The following ZZEF1 variants were observed in gnomAD, a reference collection of about 807,000 sequenced individuals.
The protein encoded by ZZEF1 is zinc finger ZZ-type and EF-hand domain-containing protein 1.
ZZEF1 carries 157 observed loss-of-function variants against 342.8 expected under a neutral mutation model. The ratio of observed to expected loss-of-function variants is 0.46; its 90% CI spans 0.40 to 0.52. The LOEUF (loss-of-function observed/expected upper bound fraction) is 0.52, where lower values mean the gene tolerates loss of function less well. ZZEF1 is among the 20% of genes least tolerant of loss of function. The pLI is 0.00. For synonymous variants in ZZEF1, 1,505 were observed against 1,429.1 expected (o/e 1.05, Z -1.20); for missense variants, 3,480 against 3,725.6 (o/e 0.93, Z 1.72).
At chr17:4,019,225 T>C (rs2056199427) in intron 46 of ZZEF1, among the ~76,000 whole-genome samples, 1 of 152,152 alleles carries the variant, frequency 6.6e-6, no homozygotes, top group Non-Finnish European at 1.5e-5. Context: ...TGGAGGAGAC[T>C]GGATTGCAGA....
chr17:4,142,551 C>T lies in ZZEF1; in HGVS notation c.345G>A (p.Gln115=). ...EARGAGCSSE[Q]FEEAFAQFDA... is the part of the protein sequence containing the mutation. ...GCCTGCCGGCCCTGACCTCCTCGAACTGCTCGCTAGAGCAGCCGGCGCCGC... is the reference window on the plus strand; with the variant it reads ...GCCTGCCGGCCCTGACCTCCTCGAATTGCTCGCTAGAGCAGCCGGCGCCGC... The change falls in exon 1 of 55, where the codon CAG becomes CAA. Residue 115 remains glutamine (Q), a synonymous_variant. Coordinates refer to ENST00000381638, the MANE Select transcript of ZZEF1 (RefSeq NM_015113.4). 1 of 1,598,386 alleles carries T rather than the reference C, an allele frequency of 6.3e-7. No individual in the cohort carries two copies. Among genetic ancestry groups the T allele is most frequent in the Non-Finnish European group, 8.5e-7 (1 of 1,178,054 alleles).
chr17:4,028,341 A>G (rs1354203094), intron 42 of ZZEF1, among the ~76,000 whole-genome samples: 1 of 152,170 alleles, frequency 6.6e-6, no homozygotes, highest in African/African-American at 2.4e-5. Flanking sequence ...CTGACTCAGG[A>G]GTTCAAGACC....
chr17:4,047,245 C>T (rs1011367213), intron 37 of ZZEF1, among the ~76,000 whole-genome samples: 2 of 152,142 alleles, frequency 1.3e-5, no homozygotes, highest in Admixed American at 1.3e-4. Flanking sequence ...CTTTCTCTAT[C>T]AAAAATTAAG....
chr17:4,085,410 A>G (rs1301709191), intron 16 of ZZEF1, among the ~76,000 whole-genome samples: 1 of 152,130 alleles, frequency 6.6e-6, no homozygotes, highest in East Asian at 1.9e-4. Flanking sequence ...GGATGGTTGT[A>G]GGCAAGTCAC....
At chr17:4,060,145 T>A (rs1311962723) in intron 30 of ZZEF1, among the ~76,000 whole-genome samples, 1 of 152,232 alleles carries the variant, frequency 6.6e-6, no homozygotes, top group Non-Finnish European at 1.5e-5. Context: ...CTGAATGTCA[T>A]GGAGGAAACA....
At position 4,039,827 on chromosome 17, in the gene ZZEF1, G is replaced by T. The variant is rs536936976; in HGVS notation, c.6306+2602C>A. On this transcript the variant is annotated intron_variant, in intron 39 of 54. Coordinates refer to ENST00000381638, the MANE Select transcript of ZZEF1 (RefSeq NM_015113.4). ...CCTGGCTAATTTTTTTGTATTTTTAGTTGAGATGGGGTTTCACTGTGTTAG... is the reference window on the plus strand; with the variant it reads ...CCTGGCTAATTTTTTTGTATTTTTATTTGAGATGGGGTTTCACTGTGTTAG... Among the ~76,000 whole-genome samples the T allele has an allele frequency of 2.0e-5, 3 of 151,934 alleles. No individual in the cohort carries two copies. The East Asian group carries it at 5.8e-4, about 30-fold the overall frequency.
At chr17:4,131,195 G>A (rs2058657450) in intron 1 of ZZEF1, among the ~76,000 whole-genome samples, 2 of 152,050 alleles carry the variant, frequency 1.3e-5, no homozygotes, top group South Asian at 2.1e-4. Context: ...GATCCAAGCA[G>A]GAGAAAATGA....
In ZZEF1 at chr17:4,052,119, C is replaced by T. The variant is rs2057061562; in HGVS notation, c.5452G>A (p.Gly1818Ser). 3.7e-6 allele frequency: 6 copies of T among 1,613,022 alleles called. No homozygotes were observed. The highest frequency in any genetic ancestry group is 5.1e-6 in the Non-Finnish European group (6 of 1,179,488). ...ACCATTTCATGGTCGTCTCCGTGGCCCTCAGGCTTCACCCCACCTGAGGAG... is the reference window on the plus strand; with the variant it reads ...ACCATTTCATGGTCGTCTCCGTGGCTCTCAGGCTTCACCCCACCTGAGGAG... Reference protein sequence around the residue: ...TCFLGGVKPEGHGDDHEMVNM... With the variant: ...TCFLGGVKPESHGDDHEMVNM... Residue 1818 changes from glycine to serine, a missense_variant, in exon 35 of 55, where the codon GGC becomes AGC. Gly to Ser is a moderately conservative substitution (Grantham distance 56). Coordinates refer to ENST00000381638, the MANE Select transcript of ZZEF1 (RefSeq NM_015113.4).
At chr17:4,107,913 C>T (rs535813356) in intron 6 of ZZEF1, among the ~76,000 whole-genome samples, 71 of 152,272 alleles carry the variant, frequency 4.7e-4, no homozygotes, top group South Asian at 8.3e-4. Context: ...TATCTTGTGT[C>T]AGAACATATG....
At position 4,006,562 on chromosome 17, in the gene ZZEF1, G is replaced by T. The variant is rs890687187; in HGVS notation, c.*328C>A. The stretch of plus-strand genomic sequence containing the variant: ...CGGAGACAGAAACCAGTTGAGAGAG[G>T]CCGCTTCCAAGTCTTCCCAGGCCCA... On this transcript the variant is annotated 3_prime_UTR_variant, in exon 55 of 55. Coordinates refer to ENST00000381638, the MANE Select transcript of ZZEF1 (RefSeq NM_015113.4). The T allele has an allele frequency of 8.3e-6, 3 of 361,028 alleles. No individual in the cohort carries two copies. Among genetic ancestry groups the T allele is most frequent in the African/African-American group, 6.5e-5 (3 of 46,332 alleles). 22.4% of individuals were successfully genotyped at this position (361,028 alleles called of 1,614,324 possible). A position where few individuals can be genotyped will look rare whatever the true frequency, so the allele number is the denominator to read the frequency against.
chr17:4,104,573 T>C, intron 8 of ZZEF1, 60 bp downstream of exon 8: 2 of 1,576,706 alleles, frequency 1.3e-6, no homozygotes, highest in Non-Finnish European at 1.7e-6. Context: ...TGGCGAAGAA[T>C]GGTTTTACGA....
chr17:4,017,609 G>A lies in ZZEF1; in HGVS notation c.7763C>T (p.Ala2588Val). ...SYAKQRRSKS[A>V]ALLHKELNCK... ...GTTCAGCTCCTTGTGCAGGAGGGCG[G>A]CGCTCTTGCTACGGCGCTGCTTGGC... The change falls in exon 48 of 55, where the codon GCC (alanine) becomes GTC (valine). Residue 2588 changes from alanine to valine, a missense_variant. Around this residue, in one of 5 missense-constraint regions of ZZEF1, gnomAD observed 1,269 missense variants for 1,342.4 expected, o/e 0.95. Coordinates refer to ENST00000381638, the MANE Select transcript of ZZEF1 (RefSeq NM_015113.4). The surrounding 1 kb of genome is among the most constrained non-coding windows in gnomAD (Gnocchi z 5.1). The A allele has an allele frequency of 1.2e-6, 2 of 1,614,214 alleles. No homozygotes were observed. The highest frequency in any genetic ancestry group is 1.7e-6 in the Non-Finnish European group (2 of 1,180,046).
intron 43 of ZZEF1, among the ~76,000 whole-genome samples, chr17:4,024,609 A>G (rs1048189700): frequency 1.3e-5 from 2 of 152,152 alleles, no homozygotes; most frequent in South Asian, 4.1e-4. Context: ...TCTATGATGA[A>G]GCACAGGAAT....
intron 14 of ZZEF1, 56 bp downstream of exon 14, chr17:4,087,378 A>G (rs2057851759): frequency 7.0e-7 from 1 of 1,435,330 alleles, no homozygotes; most frequent in African/African-American, 1.4e-5. Flanking sequence ...TTAGAATAGT[A>G]AAACTCATTG....
At position 4,057,987 on chromosome 17, in the gene ZZEF1, C is replaced by T; in HGVS notation, c.5165+7G>A. 6.2e-7 allele frequency: 1 copy of T among 1,613,816 alleles called. No homozygotes were observed. Among genetic ancestry groups the T allele is most frequent in the Non-Finnish European group, 8.5e-7 (1 of 1,179,812 alleles). Reference sequence around the variant, plus strand: ...AGGAACTGCAGAGCGCAGGACCGTGCTCTTACCTGATCACACTGTCATGGA... The same window carrying T: ...AGGAACTGCAGAGCGCAGGACCGTGTTCTTACCTGATCACACTGTCATGGA... On this transcript the variant is annotated splice_region_variant and intron_variant, in intron 32 of 54. Transcript: ENST00000381638.
Position 4,017,712 on chromosome 17 carries a change from C to A in ZZEF1, c.7660G>T (p.Asp2554Tyr). The A allele has an allele frequency of 1.9e-6, 3 of 1,612,966 alleles. No individual in the cohort carries two copies. Among genetic ancestry groups the A allele is most frequent in the Non-Finnish European group, 1.7e-6 (2 of 1,179,704 alleles). Residue 2554 changes from aspartate (D) to tyrosine (Y), a missense_variant, in exon 48 of 55, where the codon GAC becomes TAC. By Grantham distance (160) the Asp-to-Tyr change is radical. Transcript: ENST00000381638. The surrounding 1 kb of genome is among the most constrained non-coding windows in gnomAD (Gnocchi z 5.1). ...LPCLSRPARCDQATAESNPVT... is the reference protein window; with the variant it reads ...LPCLSRPARCYQATAESNPVT... ...GGGTTCGATTCAGCAGTGGCTTGGT[C>A]ACAGCGTGCAGGCCGGGACTGCAAA...
At chr17:4,081,541 T>C in intron 17 of ZZEF1, 51 bp from the exon 18 acceptor site, 1 of 1,443,206 alleles carries the variant, frequency 6.9e-7, no homozygotes, top group Non-Finnish European at 9.7e-7. Context: ...GAAAGATTTT[T>C]ATACTATTTT....
chr17:4,121,491 T>A lies in ZZEF1; in HGVS notation c.499+2416A>T, dbSNP rs540144999. On this transcript the variant is annotated intron_variant, in intron 2 of 54. Transcript: ENST00000381638. ...AAACATAAAAATTAGCCGGACGTGG[T>A]GGCAGTTGCCTGTGCTCCCAGCTAC... 2.0e-5 allele frequency among the ~76,000 whole-genome samples: 3 copies of A among 152,212 alleles called. No homozygotes were observed. In the East Asian group the frequency reaches 5.8e-4, roughly 29 times the overall value.
intron 37 of ZZEF1, among the ~76,000 whole-genome samples, chr17:4,045,147 CTG>C (rs1296588701): frequency 4.0e-5 from 6 of 150,336 alleles, no homozygotes; most frequent in Non-Finnish European, 8.9e-5. Context: ...GAGCAAGACT[CTG>C]TCTCAAAAAA....
Sources: allele counts gnomAD v4.1 joint callset (sites outside exome capture counted in the v4.1 genomes callset), GRCh38; gene constraint gnomAD v4.1.1; regional missense constraint gnomAD v4.1.1; non-coding constraint Gnocchi (gnomAD v3.1); transcripts MANE v1.5; gene names NCBI Gene and HGNC (gene_info 2026-07-23, HGNC 2026-07-21).